Variants in FBXO10 observed in about 807,000 individuals in gnomAD.
The protein encoded by FBXO10 is F-box protein 10.
A neutral mutation model predicts 80.7 loss-of-function variants in FBXO10; 39 were observed. The ratio of observed to expected loss-of-function variants is 0.48; its 90% CI spans 0.37 to 0.63. FBXO10 has a LOEUF of 0.63. FBXO10 is among the 30% of genes least tolerant of loss of function. The pLI, the probability that FBXO10 is intolerant of heterozygous loss-of-function variation, is 0.00. For synonymous variants in FBXO10, 449 were observed against 489.6 expected (o/e 0.92, Z 1.09); for missense variants, 1,025 against 1,269.0 (o/e 0.81, Z 2.92).
intron 1 of FBXO10, among the ~76,000 whole-genome samples, chr9:37,544,567 G>A (rs887374002): frequency 4.6e-5 from 7 of 152,194 alleles, no homozygotes; most frequent in African/African-American, 1.7e-4. Context: ...AGAAGGCTAG[G>A]AGCACAAATG....
intron 3 of FBXO10, among the ~76,000 whole-genome samples, chr9:37,535,527 T>A (rs149113383): frequency 1.4e-4 from 21 of 152,118 alleles, no homozygotes; most frequent in Admixed American, 3.3e-4. Context: ...ATTTTTTTTT[T>A]ATTTTATTTT....
chr9:37,537,832 T>C lies in FBXO10; in HGVS notation c.697A>G (p.Ile233Val). ...VKFCTFKNTH[I>V]FLHNVPLCVL... Reference sequence around the variant, plus strand: ...CACAGGGGCACGTTGTGCAGGAAGATATGGGTGTTTTTGAAGGTACAGAAC... The same window carrying C: ...CACAGGGGCACGTTGTGCAGGAAGACATGGGTGTTTTTGAAGGTACAGAAC... The change falls in exon 3 of 11, where the codon ATC becomes GTC. Residue 233 changes from isoleucine to valine, a missense_variant. Coordinates refer to ENST00000432825, the MANE Select transcript of FBXO10 (RefSeq NM_012166.3). 2 of 1,613,864 alleles carry C rather than the reference T, an allele frequency of 1.2e-6. No homozygotes were observed. The highest frequency in any genetic ancestry group is 1.7e-6 in the Non-Finnish European group (2 of 1,179,864).
intron 3 of FBXO10, among the ~76,000 whole-genome samples, chr9:37,533,450 G>A (rs1357152576): frequency 6.6e-6 from 1 of 152,134 alleles, no homozygotes; most frequent in African/African-American, 2.4e-5. Flanking sequence ...GGAGGCTAAG[G>A]CAGGAGAATC....
chr9:37,536,175 C>T (rs1821760756), intron 3 of FBXO10: 1 of 152,148 alleles, frequency 6.6e-6, no homozygotes. Flanking sequence ...TCATGAGTGA[C>T]CTTTGTACAA....
chr9:37,538,741 G>T (rs948661932), intron 2 of FBXO10, among the ~76,000 whole-genome samples: 3 of 152,082 alleles, frequency 2.0e-5, no homozygotes, highest in Middle Eastern at 3.4e-3. Flanking sequence ...GGCTCCGGGG[G>T]TTGACTGCAA....
chr9:37,576,015 G>A (rs991453225), intron 1 of FBXO10, among the ~76,000 whole-genome samples, 196 bp downstream of exon 1: 3 of 152,212 alleles, frequency 2.0e-5, no homozygotes, highest in Non-Finnish European at 4.4e-5. Flanking sequence ...GGATGCCGGG[G>A]GACCGCGGAG....
At chr9:37,530,422 C>T (rs1051058153) in intron 4 of FBXO10, among the ~76,000 whole-genome samples, 9 of 152,154 alleles carry the variant, frequency 5.9e-5, no homozygotes, top group South Asian at 4.1e-4. Flanking sequence ...CCTTTCACAA[C>T]GCCAGGACTA....
chr9:37,573,932 G>T (rs1330452378), intron 1 of FBXO10, among the ~76,000 whole-genome samples: 1 of 152,184 alleles, frequency 6.6e-6, no homozygotes, highest in African/African-American at 2.4e-5. Flanking sequence ...CAAAACCCAT[G>T]ACAGGTAACT....
chr9:37,540,349 C>T (rs192146919), intron 2 of FBXO10, among the ~76,000 whole-genome samples: 1 of 151,868 alleles, frequency 6.6e-6, no homozygotes, highest in African/African-American at 2.4e-5. Context: ...CACCATGCCC[C>T]GCTGATTTTG....
rs1588823204 is a variant in FBXO10 at position 37,519,260 on chromosome 9, C to T, written c.2201-822G>A. Among the ~76,000 whole-genome samples, 5 of 152,280 alleles carry T rather than the reference C, an allele frequency of 3.3e-5. No homozygotes were observed. The Middle Eastern group carries it at 0.014, about 414-fold the overall frequency. On this transcript the variant is annotated intron_variant, in intron 8 of 10. Coordinates refer to ENST00000432825, the MANE Select transcript of FBXO10 (RefSeq NM_012166.3). ...TGTAATTTTGGAGTACAAAAACTTA[C>T]TAAGCGAGTAATATGTGTCAAAAAT...
rs1308120759 is a variant in FBXO10 at position 37,522,264 on chromosome 9, T to C, written c.1931-426A>G. ...TCCCTCAGTTTTCTCATCTTTTAAA[T>C]GGGGTTAATAACCGTGCCTCCTTCA... On this transcript the variant is annotated intron_variant, in intron 7 of 10. Transcript: ENST00000432825. 2.1e-5 allele frequency: 16 copies of C among 770,238 alleles called. No individual in the cohort carries two copies. In the Admixed American group the frequency reaches 6.4e-4, roughly 31 times the overall value. The allele number at this position is 770,238 out of a possible 1,614,324, so 47.7% of individuals were successfully genotyped here.
At chr9:37,569,260 C>CAAAA (rs67975729) in intron 1 of FBXO10, among the ~76,000 whole-genome samples, 1 of 133,182 alleles carries the variant, frequency 7.5e-6, no homozygotes, top group South Asian at 2.4e-4. Context: ...AAGTATAAGG[C>CAAAA]AAAAAAAAAA....
intron 10 of FBXO10, 119 bp downstream of exon 10, chr9:37,515,785 C>A (rs925521172): frequency 1.1e-5 from 12 of 1,066,634 alleles, no homozygotes; most frequent in Non-Finnish European, 1.5e-5. Context: ...TGACTGGAGT[C>A]GACAGCTGGC....
At chr9:37,570,064 T>C (rs1319261781) in intron 1 of FBXO10, among the ~76,000 whole-genome samples, 6 of 152,170 alleles carry the variant, frequency 3.9e-5, no homozygotes, top group African/African-American at 1.4e-4. Context: ...TATCCCAGCA[T>C]TTTGGGAGGC....
chr9:37,529,301 A>T, intron 4 of FBXO10, 41 bp from the exon 5 acceptor site: 14 of 1,574,738 alleles, frequency 8.9e-6, no homozygotes, highest in Non-Finnish European at 1.1e-5. Context: ...CAGATCAGAC[A>T]CGTCAGCGAA....
Position 37,550,169 on chromosome 9 carries a change from G to GTTTTTTTTTTTTTTTTTTTTTTTT in FBXO10, c.-6-8419_-6-8396dup, listed in dbSNP as rs74171511. ...CAGTTTTCTTTTTTTGTCGTCTCAG[G>GTTTTTTTTTTTTTTTTTTTTTTTT]TTTTTTTTTTTTTTTTTTTTTTTTT... On this transcript the variant is annotated intron_variant, in intron 1 of 10. Transcript: ENST00000432825. 4.4e-5 allele frequency among the ~76,000 whole-genome samples: 3 copies of GTTTTTTTTTTTTTTTTTTTTTTTT among 68,032 alleles called. 1 individual carries two copies. Among genetic ancestry groups the GTTTTTTTTTTTTTTTTTTTTTTTT allele is most frequent in the Non-Finnish European group, 5.7e-5 (2 of 34,964 alleles). The allele number at this position is 68,032 out of a possible 152,430, so 44.6% of individuals were successfully genotyped here.
intron 6 of FBXO10, among the ~76,000 whole-genome samples, chr9:37,524,116 C>T (rs1048655421): frequency 2.0e-5 from 3 of 152,182 alleles, no homozygotes; most frequent in African/African-American, 7.2e-5. Flanking sequence ...GCGATGTCCA[C>T]TCGGCCATGC....
Position 37,512,447 on chromosome 9 carries a change from TCGAGGG to T in FBXO10, c.*94_*99del. ...TTTTGGAGGCCCGGGACCCATTTGT[TCGAGGG>T]GGAGGGGGAGGGGCGGAGTCTTTTC... On this transcript the variant is annotated 3_prime_UTR_variant, in exon 11 of 11. Transcript: ENST00000432825. 2 of 1,380,442 alleles carry T rather than the reference TCGAGGG, an allele frequency of 1.4e-6. No homozygotes were observed. Among genetic ancestry groups the T allele is most frequent in the Non-Finnish European group, 2.0e-6 (2 of 1,009,046 alleles). The allele number at this position is 1,380,442 out of a possible 1,614,324, so 85.5% of individuals were successfully genotyped here.
At chr9:37,571,714 C>T (rs1001476273) in intron 1 of FBXO10, among the ~76,000 whole-genome samples, 1 of 93,156 alleles carries the variant, frequency 1.1e-5, no homozygotes, top group Non-Finnish European at 1.9e-5. Flanking sequence ...AAAAGAGAGC[C>T]ATATATATAT....
Sources: gnomAD v4.1 joint callset for allele counts (sites outside exome capture counted in the v4.1 genomes callset) on GRCh38, gnomAD v4.1.1 for gene constraint, MANE v1.5 for transcripts, NCBI Gene and HGNC (gene_info 2026-07-23, HGNC 2026-07-21) for gene names.